CHIC2: variants seen among roughly 807,000 people sequenced by gnomAD.
The protein encoded by CHIC2 is cysteine-rich hydrophobic domain-containing protein 2.
In CHIC2, 14 loss-of-function variants were observed where a neutral mutation model predicts 25.9. The ratio of observed to expected loss-of-function variants is 0.54; its 90% CI spans 0.36 to 0.85. The LOEUF (loss-of-function observed/expected upper bound fraction) is 0.85, where lower values mean the gene tolerates loss of function less well. Ranked by LOEUF, CHIC2 falls within the 40% of genes least tolerant of loss-of-function variation. The pLI is 0.01. For missense variants in CHIC2, 146 were observed against 202.0 expected (o/e 0.72, Z 1.68); for synonymous variants, 70 against 72.0 (o/e 0.97, Z 0.14).
chr4:54,017,806 C>G (rs1400625884), intron 3 of CHIC2, among the ~76,000 whole-genome samples: 3 of 152,048 alleles, frequency 2.0e-5, no homozygotes, highest in Admixed American at 2.0e-4. Context: ...TTTAAATAAC[C>G]CTTTTTCTTT....
chr4:54,038,671 T>C (rs1421523436), intron 3 of CHIC2, among the ~76,000 whole-genome samples: 1 of 152,136 alleles, frequency 6.6e-6, no homozygotes. Flanking sequence ...CAAAACAATC[T>C]TGAAAAATAA....
At chr4:54,028,951 C>T (rs914226892) in intron 3 of CHIC2, among the ~76,000 whole-genome samples, 2 of 151,958 alleles carry the variant, frequency 1.3e-5, no homozygotes, top group African/African-American at 2.4e-5. Flanking sequence ...GGTGAAACCC[C>T]GTCTCTACTA....
intron 3 of CHIC2, among the ~76,000 whole-genome samples, chr4:54,045,670 A>G (rs1350300039): frequency 6.6e-6 from 1 of 152,038 alleles, no homozygotes; most frequent in African/African-American, 2.4e-5. Context: ...AGAGCTATCT[A>G]TGACAAACCC....
chr4:54,077,984 A>G, the CHIC2 span, among the ~76,000 whole-genome samples: 1 of 152,198 alleles, frequency 6.6e-6, no homozygotes. Flanking sequence ...CTGATTTTAG[A>G]TGCTTTAGGA....
intron 1 of CHIC2, among the ~76,000 whole-genome samples, chr4:54,054,229 A>T (rs372245556): frequency 1.5e-4 from 23 of 152,344 alleles, no homozygotes; most frequent in African/African-American, 5.5e-4. Flanking sequence ...AATGCATTTC[A>T]ATGTTTTCCA....
At chr4:54,037,099 T>A (rs528248546) in intron 3 of CHIC2, among the ~76,000 whole-genome samples, 2 of 152,112 alleles carry the variant, frequency 1.3e-5, no homozygotes, top group South Asian at 4.1e-4. Context: ...GCACGGAGGC[T>A]CACACCTGTA....
At chr4:54,075,351 T>C in the CHIC2 span, among the ~76,000 whole-genome samples, 20 of 152,132 alleles carry the variant, frequency 1.3e-4, no homozygotes, top group Admixed American at 1.2e-3. Flanking sequence ...ACACGTTAGT[T>C]ACTGGACGAA....
intron 1 of CHIC2, among the ~76,000 whole-genome samples, chr4:54,053,970 T>A (rs558315593): frequency 6.6e-6 from 1 of 152,254 alleles, no homozygotes; most frequent in South Asian, 2.1e-4. Context: ...TTTGTATTTT[T>A]AGTAGAGACG....
At chr4:54,024,025 A>G (rs1010872180) in intron 3 of CHIC2, among the ~76,000 whole-genome samples, 2 of 152,220 alleles carry the variant, frequency 1.3e-5, no homozygotes, top group Non-Finnish European at 2.9e-5. Flanking sequence ...TTATGCTGAT[A>G]AGGTAGCTAA....
At chr4:54,026,410 C>T (rs569898420) in intron 3 of CHIC2, among the ~76,000 whole-genome samples, 79 of 152,058 alleles carry the variant, frequency 5.2e-4, no homozygotes, top group African/African-American at 1.8e-3. Flanking sequence ...GCCCCAGCTA[C>T]TTGGGAGACT....
intron 3 of CHIC2, among the ~76,000 whole-genome samples, chr4:54,045,664 C>T (rs1475053035): frequency 6.6e-6 from 1 of 151,844 alleles, no homozygotes; most frequent in African/African-American, 2.4e-5. Flanking sequence ...ATAATAAGAG[C>T]TATCTATGAC....
chr4:54,080,168 ATATATGTG>A, the CHIC2 span, among the ~76,000 whole-genome samples: 1 of 131,744 alleles, frequency 7.6e-6, no homozygotes, highest in South Asian at 2.2e-4. Flanking sequence ...ATGTGTATAT[ATATATGTG>A]TATATATATG....
At chr4:54,020,312 T>TGTTA (rs1321107260) in intron 3 of CHIC2, among the ~76,000 whole-genome samples, 3 of 152,312 alleles carry the variant, frequency 2.0e-5, no homozygotes, top group African/African-American at 7.2e-5. Context: ...GAATGTACTT[T>TGTTA]GTTAGATCCA....
the CHIC2 span, among the ~76,000 whole-genome samples, chr4:54,090,667 CACTT>C: frequency 1.3e-5 from 2 of 152,140 alleles, no homozygotes; most frequent in Non-Finnish European, 2.9e-5. Context: ...AGGCTTAACT[CACTT>C]AATGCTCACA....
At chr4:54,061,126 T>TA (rs1717319914) in intron 1 of CHIC2, 1 of 151,988 alleles carries the variant, frequency 6.6e-6, no homozygotes. Flanking sequence ...CATTTGTATT[T>TA]AAAAAAAGGA....
chr4:54,016,437 A>AT (rs1417433563), intron 3 of CHIC2, among the ~76,000 whole-genome samples: 3 of 152,196 alleles, frequency 2.0e-5, no homozygotes, highest in African/African-American at 7.2e-5. Flanking sequence ...CAAAATATTT[A>AT]AGTAGGAATT....
At chr4:54,042,560 A>G (rs1716611081) in intron 3 of CHIC2, among the ~76,000 whole-genome samples, 1 of 152,240 alleles carries the variant, frequency 6.6e-6, no homozygotes, top group South Asian at 2.1e-4. Flanking sequence ...AGGTATCTAC[A>G]GTATTAAAAC....
intron 3 of CHIC2, among the ~76,000 whole-genome samples, chr4:54,047,640 G>T (rs1323377897): frequency 1.4e-5 from 2 of 139,360 alleles, no homozygotes; most frequent in African/African-American, 5.3e-5. Flanking sequence ...CACACACCGG[G>T]GACTGTTGTG....
intron 3 of CHIC2, among the ~76,000 whole-genome samples, chr4:54,031,429 T>C (rs1378338940): frequency 6.6e-6 from 1 of 152,044 alleles, no homozygotes; most frequent in Non-Finnish European, 1.5e-5. Context: ...ATGAATACAT[T>C]TATTCAACAA....
Sources: gnomAD v4.1 joint callset for allele counts (sites outside exome capture counted in the v4.1 genomes callset) on GRCh38, gnomAD v4.1.1 for gene constraint, MANE v1.5 for transcripts, NCBI Gene and HGNC (gene_info 2026-07-23, HGNC 2026-07-21) for gene names.